Variants in SLC25A16 observed in about 807,000 individuals in gnomAD.
SLC25A16 encodes solute carrier family 25 member 16.
Under a neutral mutation model 41.5 loss-of-function variants are expected in SLC25A16, and 39 were observed. The observed-to-expected ratio is 0.94, with a 90% CI of 0.73 to 1.23. The LOEUF (loss-of-function observed/expected upper bound fraction) is 1.23. SLC25A16 is among the 50% of genes most tolerant of loss of function. The probability of loss-of-function intolerance (pLI) is 0.00; values close to 1 mark genes in which losing one functional copy is unlikely to be tolerated. For missense variants in SLC25A16, 421 were observed against 426.9 expected (o/e 0.99, Z 0.12); for synonymous variants, 146 against 147.8 (o/e 0.99, Z 0.09).
chr10:68,508,873 G>C (rs1171008905), intron 2 of SLC25A16, among the ~76,000 whole-genome samples: 2 of 152,128 alleles, frequency 1.3e-5, no homozygotes, highest in African/African-American at 2.4e-5. Context: ...CTAATGATAA[G>C]GTAGAAGTAT....
Position 68,525,823 on chromosome 10 carries a change from A to T in SLC25A16, c.130+1423T>A, listed in dbSNP as rs534850984. The stretch of plus-strand genomic sequence containing the variant: ...CTTACCCCCAACCCCGTGCTCTCTG[A>T]AACATGTGCTGTGTCACAGAGTTGA... On this transcript the variant is annotated intron_variant, in intron 1 of 8. Transcript: ENST00000609923. Among the ~76,000 whole-genome samples the T allele has an allele frequency of 2.3e-3, 352 of 152,284 alleles. 5 individuals carry two copies. In the South Asian group the frequency reaches 0.027, roughly 11 times the overall value.
chr10:68,503,687 A>G lies in SLC25A16; in HGVS notation c.366T>C (p.Thr122=). Reference sequence around the variant, plus strand: ...CATGACCTGAAATTCCCAGCTTCGTAGTAATTAACTAGAAAACAAGAACAC... The same window carrying G: ...CATGACCTGAAATTCCCAGCTTCGTGGTAATTAACTAGAAAACAAGAACAC... The part of the protein sequence containing the change: ...MAFEHYKTLI[T]TKLGISGHVH... The change falls in exon 4 of 9, where the codon ACT becomes ACC. Residue 122 remains threonine (T), a synonymous_variant. Coordinates refer to ENST00000609923, the MANE Select transcript of SLC25A16 (RefSeq NM_152707.4). 6.3e-7 allele frequency: 1 copy of G among 1,599,746 alleles called. No homozygotes were observed. The highest frequency in any genetic ancestry group is 8.6e-7 in the Non-Finnish European group (1 of 1,168,682).
At position 68,493,425 on chromosome 10, in the gene SLC25A16, A is replaced by G. The variant is rs1184509799; in HGVS notation, c.543+24T>C. The G allele has an allele frequency of 1.9e-6, 3 of 1,598,532 alleles. No individual in the cohort carries two copies. The Admixed American group carries it at 5.0e-5, about 27-fold the overall frequency. On this transcript the variant is annotated intron_variant, in intron 5 of 8. Coordinates refer to ENST00000609923, the MANE Select transcript of SLC25A16 (RefSeq NM_152707.4). Reference sequence around the variant, plus strand: ...CTAAGTATAAAAGGGCATGTTATAGATGAGGAAGGTAAATATGAAATACCT... The same window carrying G: ...CTAAGTATAAAAGGGCATGTTATAGGTGAGGAAGGTAAATATGAAATACCT...
At chr10:68,483,737 A>T in intron 8 of SLC25A16, 149 bp from the exon 9 acceptor site, 2 of 555,676 alleles carry the variant, frequency 3.6e-6, no homozygotes, top group Non-Finnish European at 6.0e-6. Context: ...ATCTTGGCTC[A>T]CTGCAGCCTC....
intron 2 of SLC25A16, among the ~76,000 whole-genome samples, chr10:68,513,405 T>C (rs1387447446): frequency 1.0e-5 from 1 of 95,874 alleles, no homozygotes; most frequent in South Asian, 3.1e-4. Context: ...CAAGACCATC[T>C]CAAAAAAAAA....
chr10:68,515,080 G>A (rs888590148), intron 2 of SLC25A16, among the ~76,000 whole-genome samples: 2 of 150,444 alleles, frequency 1.3e-5, no homozygotes, highest in African/African-American at 4.9e-5. Context: ...CAAGTGGCCA[G>A]GTGCGGTGGC....
At chr10:68,503,480 CT>C in intron 4 of SLC25A16, 151 bp downstream of exon 4, 5 of 499,110 alleles carry the variant, frequency 1.0e-5, no homozygotes, top group South Asian at 4.0e-5. Context: ...TAATACATAC[CT>C]TTTTTTGAGG....
chr10:68,515,735 T>C (rs1590123484), intron 2 of SLC25A16, among the ~76,000 whole-genome samples: 1 of 151,888 alleles, frequency 6.6e-6, no homozygotes, highest in Admixed American at 6.6e-5. Flanking sequence ...GAGGCAGAGG[T>C]TGCAGTGAGC....
chr10:68,513,983 C>T (rs1301074308), intron 2 of SLC25A16, among the ~76,000 whole-genome samples: 4 of 151,936 alleles, frequency 2.6e-5, no homozygotes, highest in East Asian at 1.9e-4. Flanking sequence ...GATTATTTGA[C>T]GTTAGGAGTT....
At chr10:68,487,642 T>A (rs942981203) in intron 7 of SLC25A16, among the ~76,000 whole-genome samples, 3 of 152,196 alleles carry the variant, frequency 2.0e-5, no homozygotes, top group African/African-American at 7.2e-5. Flanking sequence ...TCCCACTAGA[T>A]GCCAGTAGCA....
chr10:68,523,176 G>A (rs1302294656), intron 1 of SLC25A16, among the ~76,000 whole-genome samples: 2 of 151,760 alleles, frequency 1.3e-5, no homozygotes, highest in East Asian at 2.0e-4. Flanking sequence ...TGCGACCTCC[G>A]CCTCTCGCGT....
At position 68,507,973 on chromosome 10, in the gene SLC25A16, G is replaced by A. The variant is rs965691440; in HGVS notation, c.224-1255C>T. 5.9e-5 allele frequency among the ~76,000 whole-genome samples: 9 copies of A among 152,208 alleles called. No individual in the cohort carries two copies. In the South Asian group the frequency reaches 1.0e-3, roughly 18 times the overall value. ...TGGCCTTGCGTGGTGGCTCATGCCT[G>A]TAATCCCAGCACTTTGGGAGGACAA... On this transcript the variant is annotated intron_variant, in intron 2 of 8. Transcript: ENST00000609923.
At chr10:68,509,731 C>CTA (rs1184144089) in intron 2 of SLC25A16, among the ~76,000 whole-genome samples, 48 of 136,930 alleles carry the variant, frequency 3.5e-4, no homozygotes, top group South Asian at 1.1e-3. Context: ...ATCTATCTAT[C>CTA]TATATATATA....
intron 6 of SLC25A16, among the ~76,000 whole-genome samples, chr10:68,490,106 T>C (rs1056579933): frequency 3.3e-5 from 5 of 151,654 alleles, no homozygotes; most frequent in African/African-American, 1.2e-4. Flanking sequence ...ACAAAAAATG[T>C]TTTAAAGGAG....
At chr10:68,497,890 A>G (rs1163385986) in intron 4 of SLC25A16, among the ~76,000 whole-genome samples, 1 of 151,962 alleles carries the variant, frequency 6.6e-6, no homozygotes, top group Non-Finnish European at 1.5e-5. Context: ...TGCTAGGATT[A>G]CCCACCGTAC....
At chr10:68,501,129 T>C (rs926306995) in intron 4 of SLC25A16, among the ~76,000 whole-genome samples, 1 of 151,320 alleles carries the variant, frequency 6.6e-6, no homozygotes, top group African/African-American at 2.4e-5. Context: ...CACACACCTG[T>C]AATCCCAGCT....
At chr10:68,486,827 G>A (rs760406004) in intron 8 of SLC25A16, among the ~76,000 whole-genome samples, 4 of 151,362 alleles carry the variant, frequency 2.6e-5, no homozygotes, top group Admixed American at 6.6e-5. Flanking sequence ...CATGGTGGTG[G>A]GTGTCTGTAA....
At chr10:68,506,442 C>T (rs1184302751) in intron 3 of SLC25A16, 143 bp downstream of exon 3, 1 of 598,298 alleles carries the variant, frequency 1.7e-6, no homozygotes, top group Non-Finnish European at 2.5e-6. Flanking sequence ...GACTCTGTCT[C>T]AAAAATTAAA....
At chr10:68,510,026 G>A (rs992325013) in intron 2 of SLC25A16, among the ~76,000 whole-genome samples, 2 of 151,830 alleles carry the variant, frequency 1.3e-5, no homozygotes, top group Non-Finnish European at 2.9e-5. Context: ...GCAGTGAGCC[G>A]AGATCGCGCC....
Sources: allele counts gnomAD v4.1 joint callset (sites outside exome capture counted in the v4.1 genomes callset), GRCh38; gene constraint gnomAD v4.1.1; transcripts MANE v1.5; gene names NCBI Gene and HGNC (gene_info 2026-07-23, HGNC 2026-07-21).